The following MAGI2 variants were observed in gnomAD, a reference collection of about 807,000 sequenced individuals.
MAGI2 encodes the protein membrane associated guanylate kinase, WW and PDZ domain containing 2.
MAGI2 carries 35 observed loss-of-function variants against 133.3 expected under a neutral mutation model. That is an observed-to-expected ratio of 0.26 (90% CI 0.20 to 0.35). MAGI2 has a LOEUF of 0.35. Among genes scored for constraint, MAGI2 ranks in the 10% least tolerant of loss-of-function variants. MAGI2 has a pLI of 1.00. For synonymous variants in MAGI2, 729 were observed against 710.6 expected (o/e 1.03, Z -0.41); for missense variants, 1,636 against 1,863.4 (o/e 0.88, Z 2.25).
chr7:78,198,476 G>A (rs908368593), intron 11 of MAGI2, among the ~76,000 whole-genome samples: 4 of 131,340 alleles, frequency 3.0e-5, no homozygotes, highest in Admixed American at 1.7e-4. Flanking sequence ...CTGTCGCCCA[G>A]GCTGGAGTGC....
intron 1 of MAGI2, among the ~76,000 whole-genome samples, chr7:79,028,279 A>ATG (rs1334766617): frequency 0.14 from 5,795 of 40,822 alleles, 140 homozygotes; most frequent in Non-Finnish European, 0.22. Flanking sequence ...GTATGTATGT[A>ATG]TATATATATA....
At chr7:78,323,062 G>GA (rs11431237) in intron 9 of MAGI2, among the ~76,000 whole-genome samples, 49,833 of 143,700 alleles carry the variant, frequency 0.35, 8,934 homozygotes, top group Non-Finnish European at 0.38. Context: ...GTCTATGGAA[G>GA]AAAAAAAAAA....
At chr7:78,648,124 A>C (rs1417821315) in intron 2 of MAGI2, among the ~76,000 whole-genome samples, 1 of 152,230 alleles carries the variant, frequency 6.6e-6, no homozygotes, top group Non-Finnish European at 1.5e-5. Context: ...GTGCACATGT[A>C]CCCTAGAATT....
intron 2 of MAGI2, among the ~76,000 whole-genome samples, chr7:78,803,854 C>A (rs1229282817): frequency 6.6e-6 from 1 of 152,136 alleles, no homozygotes; most frequent in South Asian, 2.1e-4. Context: ...GAAAGAAAGT[C>A]TACTTAATAC....
At chr7:78,667,206 G>C (rs1179152875) in intron 2 of MAGI2, among the ~76,000 whole-genome samples, 51 of 151,816 alleles carry the variant, frequency 3.4e-4, no homozygotes, top group Non-Finnish European at 5.9e-5. Context: ...TCACAACACA[G>C]ATCTCTCATG....
At chr7:78,545,069 T>G (rs1289629131) in intron 3 of MAGI2, among the ~76,000 whole-genome samples, 1 of 151,496 alleles carries the variant, frequency 6.6e-6, no homozygotes, top group Non-Finnish European at 1.5e-5. Flanking sequence ...GACTTTAAGC[T>G]CCTAGAGGGC....
intron 3 of MAGI2, among the ~76,000 whole-genome samples, chr7:78,590,134 T>C (rs918096362): frequency 2.0e-5 from 3 of 152,246 alleles, no homozygotes; most frequent in African/African-American, 7.2e-5. Flanking sequence ...GGGAGTAGTT[T>C]TGCAGGAAGA....
Position 78,904,913 on chromosome 7 carries a change from C to T in MAGI2, c.418+102177G>A, listed in dbSNP as rs559153900. 2.0e-5 allele frequency among the ~76,000 whole-genome samples: 3 copies of T among 151,578 alleles called. No individual in the cohort carries two copies. In the East Asian group the frequency reaches 5.9e-4, roughly 30 times the overall value. ...AGTTCGATGGCACAAAGCCTCTTTG[C>T]TTTTTTCCTATTTCTTCAAACTGTT... is the stretch of plus-strand genomic sequence containing the variant. On this transcript the variant is annotated intron_variant, in intron 2 of 21. Coordinates refer to ENST00000354212, the MANE Select transcript of MAGI2 (RefSeq NM_012301.4).
chr7:79,016,164 A>G (rs1443457853), intron 1 of MAGI2, among the ~76,000 whole-genome samples: 1 of 152,116 alleles, frequency 6.6e-6, no homozygotes, highest in Non-Finnish European at 1.5e-5. Flanking sequence ...TGTGGAACCC[A>G]GAGAGTTTGG....
At chr7:78,893,502 T>C (rs1454103926) in intron 2 of MAGI2, among the ~76,000 whole-genome samples, 1 of 152,062 alleles carries the variant, frequency 6.6e-6, no homozygotes, top group Non-Finnish European at 1.5e-5. Context: ...AACGATAGAC[T>C]GGATTAAGAA....
intron 1 of MAGI2, among the ~76,000 whole-genome samples, chr7:79,342,108 T>C (rs1233183489): frequency 6.6e-6 from 1 of 152,200 alleles, no homozygotes; most frequent in African/African-American, 2.4e-5. Context: ...ACTTACCAGG[T>C]TCCTCCCTCT....
At chr7:78,561,628 A>T (rs1800414534) in intron 3 of MAGI2, among the ~76,000 whole-genome samples, 1 of 152,204 alleles carries the variant, frequency 6.6e-6, no homozygotes, top group Non-Finnish European at 1.5e-5. Context: ...AGGTCTCCTG[A>T]TCTGACATCA....
chr7:79,413,028 T>C (rs1028234267), intron 1 of MAGI2: 1 of 152,136 alleles, frequency 6.6e-6, no homozygotes, highest in African/African-American at 2.4e-5. Flanking sequence ...TGGTGTTTTC[T>C]CTCTGAAGCC....
chr7:78,364,286 CT>C (rs897963004), intron 7 of MAGI2, among the ~76,000 whole-genome samples: 14 of 152,066 alleles, frequency 9.2e-5, no homozygotes, highest in African/African-American at 3.4e-4. Flanking sequence ...AAGTTAGGAA[CT>C]TTTTTTCCTA....
chr7:79,396,763 G>A (rs747941635), intron 1 of MAGI2, among the ~76,000 whole-genome samples: 1 of 152,066 alleles, frequency 6.6e-6, no homozygotes, highest in Non-Finnish European at 1.5e-5. Context: ...CTACTTTAGA[G>A]CCTAATACGT....
chr7:78,574,159 G>T (rs755809657), intron 3 of MAGI2, among the ~76,000 whole-genome samples: 1 of 152,158 alleles, frequency 6.6e-6, no homozygotes, highest in Admixed American at 6.5e-5. Context: ...TGAGCTCCAG[G>T]TTTTACCCCA....
At chr7:79,366,100 A>T (rs1444728319) in intron 1 of MAGI2, among the ~76,000 whole-genome samples, 1 of 151,014 alleles carries the variant, frequency 6.6e-6, no homozygotes, top group Non-Finnish European at 1.5e-5. Flanking sequence ...TTAGCTGGGC[A>T]TGGTGGTGGT....
intron 2 of MAGI2, among the ~76,000 whole-genome samples, chr7:78,689,438 A>C (rs973309142): frequency 6.6e-6 from 1 of 152,212 alleles, no homozygotes; most frequent in Non-Finnish European, 1.5e-5. Flanking sequence ...GTGCAATTTA[A>C]ATAAAATGCT....
chr7:78,227,850 T>TTGTGTGTGTGTGTGTGTGTGTG (rs3085614), intron 10 of MAGI2, among the ~76,000 whole-genome samples: 2,666 of 145,530 alleles, frequency 0.018, 44 homozygotes, highest in Non-Finnish European at 0.028. Context: ...TCTTACTCAG[T>TTGTGTGTGTGTGTGTGTGTGTG]TGTGTGTGTG....
Sources: allele counts gnomAD v4.1 joint callset (sites outside exome capture counted in the v4.1 genomes callset), GRCh38; gene constraint gnomAD v4.1.1; transcripts MANE v1.5; gene names NCBI Gene and HGNC (gene_info 2026-07-23, HGNC 2026-07-21).